Variants in ISM1 observed in about 807,000 individuals in gnomAD.
ISM1 encodes the protein isthmin 1, also known as isthmin-1.
Under a neutral mutation model 46.3 loss-of-function variants are expected in ISM1, and 25 were observed. That is an observed-to-expected ratio of 0.54 (90% CI 0.39 to 0.75). The LOEUF is 0.75. Among genes scored for constraint, ISM1 ranks in the 30% least tolerant of loss-of-function variants. The pLI is 0.00. For missense variants in ISM1, 536 were observed against 625.4 expected (o/e 0.86, Z 1.52); for synonymous variants, 255 against 256.7 (o/e 0.99, Z 0.06).
intron 4 of ISM1, among the ~76,000 whole-genome samples, chr20:13,291,738 G>A (rs1444318031): frequency 2.0e-5 from 3 of 152,180 alleles, no homozygotes; most frequent in Non-Finnish European, 4.4e-5. Flanking sequence ...CCTAGAATAT[G>A]AGATAACTCT....
chr20:13,249,674 T>C (rs865888681), intron 1 of ISM1, among the ~76,000 whole-genome samples: 11 of 152,266 alleles, frequency 7.2e-5, no homozygotes, highest in Admixed American at 6.5e-5. Flanking sequence ...TGGCAGGCTC[T>C]GGTGGTTCGA....
At chr20:13,221,977 T>A (rs1291646425) in intron 1 of ISM1, 63 bp downstream of exon 1, 1 of 1,275,352 alleles carries the variant, frequency 7.8e-7, no homozygotes, top group Non-Finnish European at 9.9e-7. Flanking sequence ...GCGGGGGTGC[T>A]GAGCTAGTGC....
intron 1 of ISM1, among the ~76,000 whole-genome samples, chr20:13,245,971 A>T (rs2039788019): frequency 6.6e-6 from 1 of 152,182 alleles, no homozygotes; most frequent in East Asian, 1.9e-4. Context: ...GACAGGCCAC[A>T]AAAGCTTTTC....
intron 5 of ISM1, among the ~76,000 whole-genome samples, chr20:13,295,543 G>A (rs56406916): frequency 0.019 from 2,892 of 152,248 alleles, 38 homozygotes; most frequent in Non-Finnish European, 0.025. Flanking sequence ...CCCCATCGAT[G>A]CTATTGCAGT....
In ISM1 at chr20:13,236,347, T is replaced by G. The variant is rs369191161; in HGVS notation, c.138+14433T>G. On this transcript the variant is annotated intron_variant, in intron 1 of 5. Transcript: ENST00000262487. ...TGCTGGGATATTCATTGAGTTAGCA[T>G]GGGAAAGACTGGCACCCATGATTCA... 1.6e-4 allele frequency among the ~76,000 whole-genome samples: 25 copies of G among 152,282 alleles called. No homozygotes were observed. In the East Asian group the frequency reaches 4.2e-3, roughly 26 times the overall value.
chr20:13,247,991 T>G (rs1413961185), intron 1 of ISM1, among the ~76,000 whole-genome samples: 1 of 152,178 alleles, frequency 6.6e-6, no homozygotes, highest in African/African-American at 2.4e-5. Context: ...CCTCTATGAC[T>G]TGTTCATCGT....
At chr20:13,274,941 C>T (rs1354805326) in intron 2 of ISM1, among the ~76,000 whole-genome samples, 1 of 152,126 alleles carries the variant, frequency 6.6e-6, no homozygotes, top group African/African-American at 2.4e-5. Flanking sequence ...TGGGTTTTAT[C>T]AAAAACAAAA....
chr20:13,288,441 G>T (rs1008366822), intron 3 of ISM1, 99 bp from the exon 4 acceptor site: 20 of 1,298,274 alleles, frequency 1.5e-5, no homozygotes, highest in Non-Finnish European at 1.8e-5. Context: ...CCCTCCCACA[G>T]CGAGAAGGAT....
In ISM1 at chr20:13,221,643, G is replaced by A. The variant is rs2039449030; in HGVS notation, c.-134G>A. 5 of 702,010 alleles carry A rather than the reference G, an allele frequency of 7.1e-6. No individual in the cohort carries two copies. In the East Asian group the frequency reaches 2.4e-4, roughly 34 times the overall value. The allele number at this position is 702,010 out of a possible 1,614,324, so 43.5% of individuals were successfully genotyped here. ...CCCAGCGCCAGCCCCGCGGGCCCGG[G>A]AAGCGGAGCCCTGGCGGGAGCCGAG... On this transcript the variant is annotated 5_prime_UTR_variant, in exon 1 of 6. Coordinates refer to ENST00000262487, the MANE Select transcript of ISM1 (RefSeq NM_080826.2).
chr20:13,266,954 T>C (rs181257480), intron 1 of ISM1, among the ~76,000 whole-genome samples: 1 of 152,338 alleles, frequency 6.6e-6, no homozygotes, highest in East Asian at 1.9e-4. Flanking sequence ...TAAGTCCCTT[T>C]GAGAAGAGAT....
chr20:13,275,903 T>G (rs1160050424), intron 2 of ISM1, among the ~76,000 whole-genome samples: 1 of 152,188 alleles, frequency 6.6e-6, no homozygotes, highest in Non-Finnish European at 1.5e-5. Context: ...CCAGTTTCCG[T>G]CCCTGAAAAT....
Position 13,292,064 on chromosome 20 carries a change from C to A in ISM1, c.788-310C>A, listed in dbSNP as rs371007721. ...CTACTGCCTCTGGTTTAGTTTGTCA[C>A]CCTGACACCATCCTGACATGTGTCC... On this transcript the variant is annotated intron_variant, in intron 4 of 5. Coordinates refer to ENST00000262487, the MANE Select transcript of ISM1 (RefSeq NM_080826.2). Among the ~76,000 whole-genome samples the A allele has an allele frequency of 8.5e-5, 13 of 152,288 alleles. No individual in the cohort carries two copies. In the East Asian group the frequency reaches 1.9e-3, roughly 23 times the overall value.
intron 1 of ISM1, among the ~76,000 whole-genome samples, chr20:13,255,667 A>G (rs2039919758): frequency 6.6e-6 from 1 of 152,230 alleles, no homozygotes; most frequent in African/African-American, 2.4e-5. Context: ...ATAAGCCTCT[A>G]TATGAATTAC....
the ISM1 span, among the ~76,000 whole-genome samples, chr20:13,325,352 A>G: frequency 6.6e-6 from 1 of 152,160 alleles, no homozygotes; most frequent in Non-Finnish European, 1.5e-5. Flanking sequence ...CTTAAGATGT[A>G]TTTGTTTCGA....
At chr20:13,261,814 G>A (rs1190930721) in intron 1 of ISM1, among the ~76,000 whole-genome samples, 2 of 152,168 alleles carry the variant, frequency 1.3e-5, no homozygotes, top group Non-Finnish European at 2.9e-5. Context: ...AGGGTCCCTA[G>A]GCCACCCCTA....
At chr20:13,321,587 C>G in the ISM1 span, among the ~76,000 whole-genome samples, 1 of 152,192 alleles carries the variant, frequency 6.6e-6, no homozygotes, top group African/African-American at 2.4e-5. Context: ...AGCCTGAGCA[C>G]AGGGACGTGG....
intron 5 of ISM1, among the ~76,000 whole-genome samples, chr20:13,295,723 C>A (rs1362003646): frequency 6.6e-6 from 1 of 152,220 alleles, no homozygotes; most frequent in Non-Finnish European, 1.5e-5. Flanking sequence ...GAAAGGAAGG[C>A]AGGCTCAGCC....
intron 1 of ISM1, among the ~76,000 whole-genome samples, chr20:13,228,114 A>G (rs2039549276): frequency 6.6e-6 from 1 of 151,948 alleles, no homozygotes; most frequent in Non-Finnish European, 1.5e-5. Context: ...CTGGGATTAC[A>G]GGTACCCACC....
At chr20:13,250,326 A>G (rs2039853893) in intron 1 of ISM1, among the ~76,000 whole-genome samples, 1 of 152,208 alleles carries the variant, frequency 6.6e-6, no homozygotes, top group South Asian at 2.1e-4. Flanking sequence ...GCTTTCAGTT[A>G]GGAAACTCCT....
Sources: gnomAD v4.1 joint callset for allele counts (sites outside exome capture counted in the v4.1 genomes callset) on GRCh38, gnomAD v4.1.1 for gene constraint, MANE v1.5 for transcripts, NCBI Gene and HGNC (gene_info 2026-07-23, HGNC 2026-07-21) for gene names.